Variants in VAC14 observed in about 807,000 individuals in gnomAD.
VAC14 encodes the protein protein VAC14 homolog.
In VAC14, 47 loss-of-function variants were observed where a neutral mutation model predicts 85.3. The observed-to-expected ratio is 0.55, with a 90% CI of 0.44 to 0.70. VAC14 has a LOEUF of 0.70. Among genes scored for constraint, VAC14 ranks in the 30% least tolerant of loss-of-function variants. The pLI is 0.00. For missense variants in VAC14, 861 were observed against 1,004.3 expected, an observed-to-expected ratio of 0.86 and a Z score of 1.93; for synonymous variants, 447 against 430.5, an observed-to-expected ratio of 1.04 and a Z score of -0.47.
intron 14 of VAC14, 78 bp downstream of exon 14, chr16:70,731,417 C>T (rs1015162375): frequency 1.3e-6 from 2 of 1,553,268 alleles, no homozygotes; most frequent in African/African-American, 2.8e-5. Flanking sequence ...AAGGTGGCTG[C>T]TTTGACACTT....
Position 70,687,802 on chromosome 16 carries a change from C to T in VAC14, c.*126G>A, listed in dbSNP as rs780515960. ...CAGACACAGCAGCCTCCGGCCCCAA[C>T]ACTGCCCTGGGTTGGCAGGCCCAGC... On this transcript the variant is annotated 3_prime_UTR_variant, in exon 19 of 19. Coordinates refer to ENST00000261776, the MANE Select transcript of VAC14 (RefSeq NM_018052.5). The T allele has an allele frequency of 4.6e-4, 512 of 1,104,286 alleles. No individual in the cohort carries two copies. The highest frequency in any genetic ancestry group is 5.8e-4 in the Non-Finnish European group (498 of 852,270). The allele number at this position is 1,104,286 out of a possible 1,614,324, so 68.4% of individuals were successfully genotyped here.
In VAC14 at chr16:70,687,989, A is replaced by C; in HGVS notation, c.2288T>G (p.Leu763Arg). 1 of 1,601,608 alleles carries C rather than the reference A, an allele frequency of 6.2e-7. No individual in the cohort carries two copies. The highest frequency in any genetic ancestry group is 1.1e-5 in the South Asian group (1 of 89,616). Residue 763 changes from leucine to arginine, a missense_variant, in exon 19 of 19, where the codon CTG becomes CGG. Leu to Arg is a moderately radical substitution (Grantham distance 102). This residue lies in a region of VAC14 where 163 missense variants were observed against 162.2 expected (regional missense o/e 1.00). Transcript: ENST00000261776. ...CCCGCTCCGCTGGTGCCGCACTTCC[A>C]GGTGCTTGTTCTGGACCTTCTCAAA... The part of the protein sequence containing the change: ...QHFEKVQNKH[L>R]EVRHQRSGRG...
intron 14 of VAC14, among the ~76,000 whole-genome samples, chr16:70,713,114 C>T (rs908909447): frequency 6.6e-6 from 1 of 152,184 alleles, no homozygotes; most frequent in African/African-American, 2.4e-5. Flanking sequence ...ACAAAGTCTG[C>T]CTGCTTGCAA....
At chr16:70,756,463 CA>C (rs2031867867) in intron 12 of VAC14, among the ~76,000 whole-genome samples, 1 of 152,210 alleles carries the variant, frequency 6.6e-6, no homozygotes. Context: ...CCTACCAAAG[CA>C]AATCGCACCT....
chr16:70,688,079 T>TTTAGAC lies in VAC14; in HGVS notation c.2192_2197dup (p.Ser731_Leu732dup), dbSNP rs1476792169. On this transcript the variant is annotated inframe_insertion, in exon 19 of 19. Coordinates refer to ENST00000261776, the MANE Select transcript of VAC14 (RefSeq NM_018052.5). The stretch of plus-strand genomic sequence containing the variant: ...AGCTTTCTGGGACTTGGGGGCTGCC[T>TTTAGAC]TTAGACTGTCTCTGGGAAGAGGGAG... 2 of 1,582,466 alleles carry TTTAGAC rather than the reference T, an allele frequency of 1.3e-6. No homozygotes were observed. Among genetic ancestry groups the TTTAGAC allele is most frequent in the Non-Finnish European group, 1.7e-6 (2 of 1,161,308 alleles).
intron 1 of VAC14, among the ~76,000 whole-genome samples, chr16:70,797,451 G>A (rs991389880): frequency 2.6e-5 from 4 of 152,196 alleles, no homozygotes; most frequent in Non-Finnish European, 5.9e-5. Flanking sequence ...GCAAATATAG[G>A]AGGCTATCAT....
intron 14 of VAC14, among the ~76,000 whole-genome samples, chr16:70,730,444 T>A (rs2054556377): frequency 1.3e-5 from 2 of 151,842 alleles, no homozygotes; most frequent in Admixed American, 1.3e-4. Flanking sequence ...TGAAGCCCCA[T>A]ACAGCCTAGG....
chr16:70,760,644 A>G (rs927809613), intron 12 of VAC14, among the ~76,000 whole-genome samples: 20 of 152,144 alleles, frequency 1.3e-4, no homozygotes, highest in African/African-American at 3.6e-4. Flanking sequence ...ACTTCAGCAA[A>G]TCGAGTTTCC....
chr16:70,789,201 G>A (rs979849831), intron 1 of VAC14, among the ~76,000 whole-genome samples: 5 of 152,258 alleles, frequency 3.3e-5, no homozygotes, highest in Non-Finnish European at 7.3e-5. Flanking sequence ...AAACACAGAA[G>A]GCGGTGGGAG....
chr16:70,745,826 G>A (rs577715738), intron 12 of VAC14, among the ~76,000 whole-genome samples: 10 of 93,312 alleles, frequency 1.1e-4, no homozygotes, highest in South Asian at 3.8e-4. Context: ...GACGGCAACC[G>A]GGGCTTCAGC....
chr16:70,725,794 C>G (rs572815053), intron 14 of VAC14, among the ~76,000 whole-genome samples: 1 of 152,166 alleles, frequency 6.6e-6, no homozygotes. Flanking sequence ...TCCAAATGCC[C>G]GCCTCATCTT....
intron 13 of VAC14, among the ~76,000 whole-genome samples, chr16:70,734,116 C>T (rs374689343): frequency 7.2e-5 from 11 of 152,242 alleles, no homozygotes; most frequent in Admixed American, 2.0e-4. Context: ...GCCACTGCGC[C>T]CAGCCATGTA....
Position 70,759,377 on chromosome 16 carries a change from A to G in VAC14, c.1371+3163T>C, listed in dbSNP as rs554462942. On this transcript the variant is annotated intron_variant, in intron 12 of 18. Coordinates refer to ENST00000261776, the MANE Select transcript of VAC14 (RefSeq NM_018052.5). ...CATGGTGGCTCATGCCTGTAATCCC[A>G]GCACTTCGGGAGGCCAAGGCAGGCA... 2.5e-3 allele frequency among the ~76,000 whole-genome samples: 387 copies of G among 152,364 alleles called. 3 individuals carry two copies. The highest frequency in any genetic ancestry group is 3.9e-3 in the Non-Finnish European group (263 of 68,042).
At chr16:70,721,529 T>C (rs1045007518) in intron 14 of VAC14, among the ~76,000 whole-genome samples, 1 of 151,936 alleles carries the variant, frequency 6.6e-6, no homozygotes, top group African/African-American at 2.4e-5. Context: ...CTGTGGGGAT[T>C]TTCCTCAGGC....
At chr16:70,694,147 G>C (rs765147098) in intron 17 of VAC14, among the ~76,000 whole-genome samples, 5 of 152,236 alleles carry the variant, frequency 3.3e-5, no homozygotes, top group Non-Finnish European at 7.3e-5. Flanking sequence ...TGTCTCTCCT[G>C]TTACCCTGCC....
At chr16:70,709,873 G>C (rs1390758392) in intron 14 of VAC14, among the ~76,000 whole-genome samples, 1 of 152,184 alleles carries the variant, frequency 6.6e-6, no homozygotes, top group African/African-American at 2.4e-5. Context: ...AAATGGCCAG[G>C]GAAATGGCAT....
chr16:70,699,389 T>C (rs11649341), intron 14 of VAC14: 10,811 of 154,256 alleles, frequency 0.07, 510 homozygotes, highest in Non-Finnish European at 0.094. Context: ...TTTTCTTCAC[T>C]GTACGGATGG....
At chr16:70,772,047 A>G (rs1016898698) in intron 10 of VAC14, 62 bp downstream of exon 10, 35 of 1,523,028 alleles carry the variant, frequency 2.3e-5, no homozygotes, top group Middle Eastern at 2.0e-4. Context: ...AGTCTCCCGC[A>G]TCCAGGAAAG....
chr16:70,796,006 G>T (rs1258188367), intron 1 of VAC14, among the ~76,000 whole-genome samples: 1 of 152,166 alleles, frequency 6.6e-6, no homozygotes, highest in Non-Finnish European at 1.5e-5. Flanking sequence ...AAGACAGCCT[G>T]GCATCTTCCC....
Sources: gnomAD v4.1 joint callset for allele counts (sites outside exome capture counted in the v4.1 genomes callset) on GRCh38, gnomAD v4.1.1 for gene constraint, gnomAD v4.1.1 regional missense constraint, MANE v1.5 for transcripts, NCBI Gene and HGNC (gene_info 2026-07-23, HGNC 2026-07-21) for gene names.